The following PNKD variants were observed in gnomAD, a reference collection of about 807,000 sequenced individuals.
PNKD encodes probable thioesterase PNKD.
In PNKD, 36 loss-of-function variants were observed where a neutral mutation model predicts 45.3. The observed-to-expected ratio is 0.80, with a 90% CI of 0.61 to 1.05. PNKD has a LOEUF of 1.05. PNKD is among the 50% of genes least tolerant of loss of function. The pLI, the probability that PNKD is intolerant of heterozygous loss-of-function variation, is 0.00. For missense variants in PNKD, 511 were observed against 506.6 expected, an observed-to-expected ratio of 1.01 and a Z score of -0.08; for synonymous variants, 197 against 210.1, an observed-to-expected ratio of 0.94 and a Z score of 0.54.
chr2:218,271,719 T>C lies in PNKD; in HGVS notation c.236+170T>C, dbSNP rs931771060. On this transcript the variant is annotated intron_variant, in intron 2 of 9. Coordinates refer to ENST00000273077, the MANE Select transcript of PNKD (RefSeq NM_015488.5). ...GGGTGGGGCAGTGGAGGTGGGAAAGTATGTGGAATTGAGAAGACAGTGGGT... is the reference window on the plus strand; with the variant it reads ...GGGTGGGGCAGTGGAGGTGGGAAAGCATGTGGAATTGAGAAGACAGTGGGT... Among the ~76,000 whole-genome samples the C allele has an allele frequency of 3.3e-5, 5 of 152,090 alleles. No individual in the cohort carries two copies. The South Asian group carries it at 8.3e-4, about 25-fold the overall frequency.
rs115766605 is a variant in PNKD, at chr2:218,344,204, G to A, written c.869-251G>A. ...ACATGCTAGGCTTGGTGGAGTCAGGGCTAGATGCAGGCCTGCCAGCTCCAG... is the reference window on the plus strand; with the variant it reads ...ACATGCTAGGCTTGGTGGAGTCAGGACTAGATGCAGGCCTGCCAGCTCCAG... On this transcript the variant is annotated intron_variant, in intron 8 of 9. Coordinates refer to ENST00000273077, the MANE Select transcript of PNKD (RefSeq NM_015488.5). 8.0e-3 allele frequency among the ~76,000 whole-genome samples: 1,216 copies of A among 152,304 alleles called. 8 individuals are homozygous for A. Among genetic ancestry groups the A allele is most frequent in the Non-Finnish European group, 0.01 (690 of 68,016 alleles).
chr2:218,343,570 C>A lies in PNKD; in HGVS notation c.852C>A (p.Asp284Glu). Residue 284 changes from aspartate (D) to glutamate (E), a missense_variant, in exon 8 of 10, where the codon GAC (aspartate) becomes GAA (glutamate). Physicochemically the swap from Asp to Glu is conservative, Grantham distance 45. Coordinates refer to ENST00000273077, the MANE Select transcript of PNKD (RefSeq NM_015488.5). ...SLDTVLGLGD[D>E]TLLWPGHEYA... ...ACACTGTGCTGGGGCTAGGGGATGA[C>A]ACCCTTCTGTGGCCTGGTGAGACAC... 2 of 1,612,954 alleles carry A rather than the reference C, an allele frequency of 1.2e-6. No homozygotes were observed. Among genetic ancestry groups the A allele is most frequent in the East Asian group, 2.2e-5 (1 of 44,844 alleles).
chr2:218,271,298 C>T (rs1690820086), intron 1 of PNKD, 83 bp from the exon 2 acceptor site: 2 of 1,162,154 alleles, frequency 1.7e-6, no homozygotes, highest in Non-Finnish European at 2.6e-6. Flanking sequence ...TCAGCCGCTC[C>T]TCCCAAGCCC....
chr2:218,281,972 A>T (rs1435780091), intron 2 of PNKD: 1 of 1,604,500 alleles, frequency 6.2e-7, no homozygotes, highest in Non-Finnish European at 8.5e-7. Flanking sequence ...GGTGGGGGGC[A>T]TGGGCTGTGG....
chr2:218,303,445 G>T (rs568426698), intron 2 of PNKD, among the ~76,000 whole-genome samples: 93 of 152,200 alleles, frequency 6.1e-4, no homozygotes, highest in African/African-American at 2.2e-3. Context: ...CGGTGAATGG[G>T]TTGAGGGAAT....
At chr2:218,343,656 C>A in intron 8 of PNKD, 70 bp downstream of exon 8, 1 of 1,132,308 alleles carries the variant, frequency 8.8e-7, no homozygotes. Flanking sequence ...CCTTCCCACC[C>A]CCTCACTCCC....
chr2:218,280,053 C>T, intron 2 of PNKD: 1 of 1,614,158 alleles, frequency 6.2e-7, no homozygotes, highest in East Asian at 2.2e-5. Context: ...GTCGCACTTT[C>T]CGGTCATCCC....
chr2:218,323,072 A>G, intron 2 of PNKD: 1 of 903,692 alleles, frequency 1.1e-6, no homozygotes, highest in South Asian at 3.2e-5. Context: ...CCGCCCCCCA[A>G]GCCGGGTGGC....
chr2:218,280,046 G>T, intron 2 of PNKD: 1 of 1,613,810 alleles, frequency 6.2e-7, no homozygotes, highest in South Asian at 1.1e-5. Flanking sequence ...AAAGTGTGTC[G>T]CACTTTCCGG....
Position 218,341,680 on chromosome 2 carries a change from C to T in PNKD, c.617+54C>T, listed in dbSNP as rs1574720133. The stretch of plus-strand genomic sequence containing the variant: ...CCCTTCCATGGGCCCTTTCCCCCAC[C>T]CCCAGCCTTCAGTGAAGTGTTTCAG... On this transcript the variant is annotated intron_variant, in intron 6 of 9. Coordinates refer to ENST00000273077, the MANE Select transcript of PNKD (RefSeq NM_015488.5). The T allele has an allele frequency of 3.0e-5, 39 of 1,301,324 alleles. No homozygotes were observed. In the East Asian group the frequency reaches 9.5e-4, roughly 32 times the overall value. The allele number at this position is 1,301,324 out of a possible 1,614,324, so 80.6% of individuals were successfully genotyped here. A position where few individuals can be genotyped will look rare whatever the true frequency, so the allele number is the denominator to read the frequency against.
intron 2 of PNKD, among the ~76,000 whole-genome samples, chr2:218,329,979 TCTGGGTC>T (rs1694271477): frequency 6.6e-6 from 1 of 151,664 alleles, no homozygotes; most frequent in Non-Finnish European, 1.5e-5. Context: ...GCCTGGGCAG[TCTGGGTC>T]CTGAGGACAT....
chr2:218,340,895 GCA>G lies in PNKD; in HGVS notation c.524+111_524+112del. 1 of 886,864 alleles carries G rather than the reference GCA, an allele frequency of 1.1e-6. No homozygotes were observed. The highest frequency in any genetic ancestry group is 1.9e-6 in the Non-Finnish European group (1 of 523,674). The allele number at this position is 886,864 out of a possible 1,614,324, so 54.9% of individuals were successfully genotyped here. A position where few individuals can be genotyped will look rare whatever the true frequency, so the allele number is the denominator to read the frequency against. ...GAGATCAAGAAGTCAGTACGGGCCG[GCA>G]CCCGCCTTCCTCGTGAAGTCACCTG... On this transcript the variant is annotated intron_variant, in intron 5 of 9. Coordinates refer to ENST00000273077, the MANE Select transcript of PNKD (RefSeq NM_015488.5). The surrounding 1 kb of genome is among the most constrained non-coding windows in gnomAD (Gnocchi z 4.2).
Position 218,274,358 on chromosome 2 carries a change from C to T in PNKD, c.236+2809C>T, listed in dbSNP as rs1691004632. 3 of 155,066 alleles carry T rather than the reference C, an allele frequency of 1.9e-5. No individual in the cohort carries two copies. The Middle Eastern group carries it at 1.6e-3, about 81-fold the overall frequency. 9.6% of individuals were successfully genotyped at this position (155,066 alleles called of 1,614,324 possible). ...TGACCCTTGTCCCCCTTCCCCATTC[C>T]AGCTCAAGGCACTTAATATTACAAA... On this transcript the variant is annotated intron_variant, in intron 2 of 9. Coordinates refer to ENST00000273077, the MANE Select transcript of PNKD (RefSeq NM_015488.5).
intron 2 of PNKD, among the ~76,000 whole-genome samples, chr2:218,300,049 G>A (rs964943228): frequency 6.6e-6 from 1 of 152,202 alleles, no homozygotes; most frequent in Middle Eastern, 3.4e-3. Context: ...GAGCCACCGC[G>A]CCTGACCACC....
At chr2:218,293,031 CAAAT>C (rs918004362) in intron 2 of PNKD, among the ~76,000 whole-genome samples, 1 of 152,188 alleles carries the variant, frequency 6.6e-6, no homozygotes, top group African/African-American at 2.4e-5. Flanking sequence ...TTTTACATTA[CAAAT>C]AAATCAGTAA....
rs945922823 is a variant in PNKD, at chr2:218,346,229, T to G, written c.*1248T>G. On this transcript the variant is annotated 3_prime_UTR_variant, in exon 10 of 10. Coordinates refer to ENST00000273077, the MANE Select transcript of PNKD (RefSeq NM_015488.5). ...CCTGTGGTCCTCAGGCAGGTGTACC[T>G]TGAGTCAGCCAGGAGCCCTCTTTTC... The G allele has an allele frequency of 1.3e-5, 2 of 152,782 alleles. No individual in the cohort carries two copies. The highest frequency in any genetic ancestry group is 2.9e-5 in the Non-Finnish European group (2 of 68,108). 9.5% of individuals were successfully genotyped at this position (152,782 alleles called of 1,614,324 possible). A position where few individuals can be genotyped will look rare whatever the true frequency, so the allele number is the denominator to read the frequency against.
At chr2:218,273,002 T>C in intron 2 of PNKD, 1 of 1,250,204 alleles carries the variant, frequency 8.0e-7, no homozygotes, top group African/African-American at 1.5e-5. Context: ...GTGGGGCTGG[T>C]TACTCATGTG....
chr2:218,299,570 A>G (rs7572362), intron 2 of PNKD, among the ~76,000 whole-genome samples: 95,196 of 151,844 alleles, frequency 0.63, 30,025 homozygotes, highest in African/African-American at 0.69. Flanking sequence ...TCAGCCTCCC[A>G]AGTAGCTGGG....
intron 2 of PNKD, among the ~76,000 whole-genome samples, chr2:218,337,512 A>T (rs1694532911): frequency 6.6e-6 from 1 of 152,224 alleles, no homozygotes; most frequent in African/African-American, 2.4e-5. Flanking sequence ...AAATAGGTGG[A>T]TAACACAAAA....
Sources: allele counts gnomAD v4.1 joint callset (sites outside exome capture counted in the v4.1 genomes callset), GRCh38; gene constraint gnomAD v4.1.1; non-coding constraint Gnocchi (gnomAD v3.1); transcripts MANE v1.5; gene names NCBI Gene and HGNC (gene_info 2026-07-23, HGNC 2026-07-21).